RFC1: variants seen among roughly 807,000 people sequenced by gnomAD.
The protein encoded by RFC1 is A1 140 kDa subunit.
RFC1 carries 37 observed loss-of-function variants against 137.4 expected under a neutral mutation model. That is an observed-to-expected ratio of 0.27 (90% CI 0.21 to 0.35). RFC1 has a LOEUF of 0.35. Among genes scored for constraint, RFC1 ranks in the 10% least tolerant of loss-of-function variants. RFC1 has a pLI of 1.00. For synonymous variants in RFC1, 429 were observed against 455.7 expected (o/e 0.94, Z 0.75); for missense variants, 1,205 against 1,358.5 (o/e 0.89, Z 1.78).
chr4:39,337,980 G>A (rs780963082), intron 4 of RFC1, among the ~76,000 whole-genome samples: 2 of 152,098 alleles, frequency 1.3e-5, no homozygotes, highest in Non-Finnish European at 2.9e-5. Flanking sequence ...CACCATTTTC[G>A]ATCAAACAAC....
At chr4:39,298,911 G>A (rs1278901764) in intron 21 of RFC1, among the ~76,000 whole-genome samples, 1 of 152,214 alleles carries the variant, frequency 6.6e-6, no homozygotes, top group Non-Finnish European at 1.5e-5. Flanking sequence ...GAGGTCAGGA[G>A]ATTAAGACCA....
chr4:39,319,665 T>C (rs144127919), intron 9 of RFC1, among the ~76,000 whole-genome samples: 6 of 152,242 alleles, frequency 3.9e-5, no homozygotes, highest in Non-Finnish European at 7.4e-5. Context: ...CACCAAAATA[T>C]ATACAGCAGT....
At chr4:39,294,461 C>G (rs142542403) in intron 22 of RFC1, among the ~76,000 whole-genome samples, 152 of 151,908 alleles carry the variant, frequency 1.0e-3, no homozygotes, top group African/African-American at 3.6e-3. Context: ...CACCTGAGGT[C>G]AGGAGTTCGA....
intron 1 of RFC1, among the ~76,000 whole-genome samples, chr4:39,354,749 CAAAAAAAAA>C (rs34342477): frequency 3.9e-5 from 2 of 51,008 alleles, no homozygotes; most frequent in African/African-American, 1.5e-4. Flanking sequence ...GAAACTATCT[CAAAAAAAAA>C]AAAAAAAAAA....
rs34831204 is a variant in RFC1 at position 39,364,266 on chromosome 4, G to GAA, written c.3+1971_3+1972dup. On this transcript the variant is annotated intron_variant, in intron 1 of 24. Coordinates refer to ENST00000349703, the MANE Select transcript of RFC1 (RefSeq NM_002913.5). ...TCATACCCAACGACACAGTCTGAGG[G>GAA]AAAAAAAAAAAAAAGAACTACTGTC... Among the ~76,000 whole-genome samples, 135 of 144,666 alleles carry GAA rather than the reference G, an allele frequency of 9.3e-4. 2 individuals carry two copies. In the East Asian group the frequency reaches 0.01, roughly 11 times the overall value. The allele number at this position is 144,666 out of a possible 152,430, so 94.9% of individuals were successfully genotyped here.
At chr4:39,329,421 C>G (rs2109693731) in intron 4 of RFC1, among the ~76,000 whole-genome samples, 1 of 152,066 alleles carries the variant, frequency 6.6e-6, no homozygotes, top group Admixed American at 6.6e-5. Flanking sequence ...GAAACCCCAT[C>G]TCTACTAAAA....
At chr4:39,320,714 T>C in intron 8 of RFC1, 45 bp from the exon 9 acceptor site, 1 of 1,507,736 alleles carries the variant, frequency 6.6e-7, no homozygotes, top group Non-Finnish European at 8.8e-7. Context: ...TGGAAAATGA[T>C]AATCTATATC....
chr4:39,365,467 G>A (rs1741978108), intron 1 of RFC1: 1 of 985,174 alleles, frequency 1.0e-6, no homozygotes, highest in Admixed American at 6.2e-5. Flanking sequence ...CATACCATCA[G>A]GAATGTCTGC....
chr4:39,351,122 G>A (rs1228329478), intron 2 of RFC1, among the ~76,000 whole-genome samples: 1 of 151,770 alleles, frequency 6.6e-6, no homozygotes, highest in Non-Finnish European at 1.5e-5. Context: ...GTGGTGGCGG[G>A]CGCCTGTAGT....
chr4:39,320,690 A>G, intron 8 of RFC1, 21 bp from the exon 9 acceptor site: 1 of 1,546,586 alleles, frequency 6.5e-7, no homozygotes. Context: ...AGAAAAGATT[A>G]TGGTTGTTGT....
chr4:39,311,520 A>T lies in RFC1; in HGVS notation c.1413T>A (p.Asp471Glu), dbSNP rs1346505319. The part of the protein sequence containing the change: ...KAAALGTKII[D>E]EDGLLNLIRT... Reference sequence around the variant, plus strand: ...GAATCAGATTCAACAGGCCATCTTCATCAATAATTTTTGTCCCCAAGGCTG... The same window carrying T: ...GAATCAGATTCAACAGGCCATCTTCTTCAATAATTTTTGTCCCCAAGGCTG... The change falls in exon 12 of 25, where the codon GAT (aspartate) becomes GAA (glutamate). Residue 471 changes from aspartate to glutamate, a missense_variant. This residue lies in a region of RFC1 where 962 missense variants were observed against 1,035.3 expected (regional missense o/e 0.93). Coordinates refer to ENST00000349703, the MANE Select transcript of RFC1 (RefSeq NM_002913.5). 6.2e-7 allele frequency: 1 copy of T among 1,614,036 alleles called. No individual in the cohort carries two copies. The highest frequency in any genetic ancestry group is 1.3e-5 in the African/African-American group (1 of 74,944).
At chr4:39,335,539 T>G (rs1740304794) in intron 4 of RFC1, among the ~76,000 whole-genome samples, 1 of 152,156 alleles carries the variant, frequency 6.6e-6, no homozygotes. Context: ...GTGAGGTAGC[T>G]GAGTAATGAT....
intron 1 of RFC1, among the ~76,000 whole-genome samples, chr4:39,355,265 A>T (rs1741415383): frequency 7.1e-6 from 1 of 141,586 alleles, no homozygotes; most frequent in Admixed American, 7.0e-5. Context: ...CTCTACAAAT[A>T]AAAAAAAAAA....
Position 39,289,951 on chromosome 4 carries a change from G to C in RFC1, c.3257C>G (p.Thr1086Arg), listed in dbSNP as rs538858430. Residue 1086 changes from threonine to arginine, a missense_variant, in exon 24 of 25, where the codon ACA becomes AGA. By Grantham distance (71) the Thr-to-Arg change is moderately conservative. Around this residue, in one of 3 missense-constraint regions of RFC1, gnomAD observed 237 missense variants for 304.2 expected, o/e 0.78. Transcript: ENST00000349703. ...LQAIKASRHS[T>R]SPSLDSEYNE... ...GTATTCCGAATCCAGGGATGGGCTT[G>C]TGCTGTGTCTAGATGCCTTTATAGC... is the stretch of plus-strand genomic sequence containing the variant. The C allele has an allele frequency of 6.2e-7, 1 of 1,612,954 alleles. No homozygotes were observed. Among genetic ancestry groups the C allele is most frequent in the Non-Finnish European group, 8.5e-7 (1 of 1,179,078 alleles).
At chr4:39,294,388 A>C (rs1737860337) in intron 22 of RFC1, among the ~76,000 whole-genome samples, 1 of 152,192 alleles carries the variant, frequency 6.6e-6, no homozygotes, top group Non-Finnish European at 1.5e-5. Context: ...AAATGAATCC[A>C]GGGGCCGGGC....
intron 15 of RFC1, among the ~76,000 whole-genome samples, chr4:39,303,489 C>T (rs1442921868): frequency 6.6e-6 from 1 of 151,524 alleles, no homozygotes; most frequent in African/African-American, 2.4e-5. Context: ...GAGTTTCACT[C>T]GTTGCCCAAG....
intron 21 of RFC1, among the ~76,000 whole-genome samples, chr4:39,299,705 C>T (rs942285400): frequency 6.7e-6 from 1 of 149,998 alleles, no homozygotes; most frequent in Admixed American, 6.6e-5. Context: ...TAATCTGTAA[C>T]AGACTATATT....
intron 22 of RFC1, among the ~76,000 whole-genome samples, chr4:39,292,528 T>C (rs888144768): frequency 8.5e-5 from 13 of 152,172 alleles, no homozygotes; most frequent in African/African-American, 3.1e-4. Context: ...AGAAAGCAAC[T>C]GAACAAAACA....
intron 23 of RFC1, among the ~76,000 whole-genome samples, chr4:39,290,888 C>A (rs866693904): frequency 4.6e-5 from 7 of 151,562 alleles, no homozygotes; most frequent in African/African-American, 1.7e-4. Flanking sequence ...ACACTAGATA[C>A]CTTTTCCATA....
Sources: allele counts gnomAD v4.1 joint callset (sites outside exome capture counted in the v4.1 genomes callset), GRCh38; gene constraint gnomAD v4.1.1; regional missense constraint gnomAD v4.1.1; transcripts MANE v1.5; gene names NCBI Gene and HGNC (gene_info 2026-07-23, HGNC 2026-07-21).